Variants in EBF3 observed in about 807,000 individuals in gnomAD.
EBF3 encodes the protein EBF transcription factor 3.
Under a neutral mutation model 77.1 loss-of-function variants are expected in EBF3, and 18 were observed. The observed-to-expected ratio is 0.23, with a 90% CI of 0.16 to 0.35. EBF3 has a LOEUF of 0.35. Ranked by LOEUF, EBF3 falls within the 10% of genes least tolerant of loss-of-function variation. The probability of loss-of-function intolerance (pLI) is 1.00; values close to 1 mark genes in which losing one functional copy is unlikely to be tolerated. For missense variants in EBF3, 558 were observed against 860.0 expected (o/e 0.65, Z 4.39); for synonymous variants, 350 against 343.5 (o/e 1.02, Z -0.21).
chr10:129,841,071 A>G lies in EBF3; in HGVS notation c.1373-39T>C. On this transcript the variant is annotated intron_variant, in intron 13 of 16. Coordinates refer to ENST00000440978, the MANE Select transcript of EBF3 (RefSeq NM_001375380.1). The surrounding 1 kb of genome is among the most constrained non-coding windows in gnomAD (Gnocchi z 4.6). The stretch of plus-strand genomic sequence containing the variant: ...CCCCCCGGCCAAAAATAACATTATT[A>G]TCAGCGACAGACACTTGGGGGGGGT... 1 of 1,597,812 alleles carries G rather than the reference A, an allele frequency of 6.3e-7. No homozygotes were observed. Among genetic ancestry groups the G allele is most frequent in the East Asian group, 2.2e-5 (1 of 44,572 alleles).
chr10:129,863,797 C>G lies in EBF3; in HGVS notation c.1039+3344G>C, dbSNP rs1010317103. ...CCAGGTCAGACAGGTCATGACCCTA[C>G]CTTTCCTCTGCTCCCCAGCCTGTAG... On this transcript the variant is annotated intron_variant, in intron 10 of 16. Coordinates refer to ENST00000440978, the MANE Select transcript of EBF3 (RefSeq NM_001375380.1). The surrounding 1 kb of genome is among the most constrained non-coding windows in gnomAD (Gnocchi z 4.0). 1.3e-5 allele frequency among the ~76,000 whole-genome samples: 2 copies of G among 152,216 alleles called. No homozygotes were observed. Among genetic ancestry groups the G allele is most frequent in the African/African-American group, 4.8e-5 (2 of 41,462 alleles).
chr10:129,880,170 G>A (rs778788657), intron 6 of EBF3, among the ~76,000 whole-genome samples: 2 of 152,128 alleles, frequency 1.3e-5, no homozygotes, highest in Non-Finnish European at 1.5e-5. Context: ...GCATTCTTAG[G>A]CCTTCACTGT....
chr10:129,905,008 A>C (rs1327137725), intron 6 of EBF3, among the ~76,000 whole-genome samples: 1 of 152,270 alleles, frequency 6.6e-6, no homozygotes, highest in East Asian at 1.9e-4. Context: ...TCCATGAGAT[A>C]ACCAGAAAGG....
chr10:129,933,196 G>A (rs1346528541), intron 6 of EBF3, among the ~76,000 whole-genome samples: 2 of 152,198 alleles, frequency 1.3e-5, no homozygotes, highest in Non-Finnish European at 1.5e-5. Flanking sequence ...GAGCACACAC[G>A]CACACACGTG....
chr10:129,878,751 G>A (rs185555709), intron 6 of EBF3, among the ~76,000 whole-genome samples: 4 of 147,402 alleles, frequency 2.7e-5, no homozygotes, highest in African/African-American at 5.0e-5. Flanking sequence ...TTGAACCCAG[G>A]AGGTGGAGGT....
chr10:129,901,744 CA>C (rs1854795826), intron 6 of EBF3, among the ~76,000 whole-genome samples: 1 of 152,194 alleles, frequency 6.6e-6, no homozygotes, highest in African/African-American at 2.4e-5. Flanking sequence ...TCACATGCAC[CA>C]AATATTAAAA....
At chr10:129,875,348 A>ACTG (rs1852698321) in intron 7 of EBF3, among the ~76,000 whole-genome samples, 1 of 151,860 alleles carries the variant, frequency 6.6e-6, no homozygotes, top group South Asian at 2.1e-4. Context: ...AAGCACTGCC[A>ACTG]CTGCACCTGG....
intron 10 of EBF3, among the ~76,000 whole-genome samples, chr10:129,860,221 G>A (rs145667081): frequency 3.3e-5 from 5 of 152,038 alleles, no homozygotes; most frequent in East Asian, 1.9e-4. Context: ...TCAAAAGTCC[G>A]GAGTGTGATC....
At chr10:129,950,572 G>C (rs1858602160) in intron 6 of EBF3, among the ~76,000 whole-genome samples, 1 of 152,094 alleles carries the variant, frequency 6.6e-6, no homozygotes, top group Admixed American at 6.5e-5. Context: ...GTTTTCTCAA[G>C]CTTCTACAAT....
At chr10:129,949,873 A>G (rs1000898423) in intron 6 of EBF3, among the ~76,000 whole-genome samples, 3 of 151,982 alleles carry the variant, frequency 2.0e-5, no homozygotes, top group African/African-American at 4.8e-5. Context: ...ATTCATCATC[A>G]CAAGGGCAAA....
At chr10:129,956,896 T>A (rs1023456795) in intron 6 of EBF3, among the ~76,000 whole-genome samples, 2 of 152,162 alleles carry the variant, frequency 1.3e-5, no homozygotes, top group Non-Finnish European at 2.9e-5. Context: ...TCATCAGAGA[T>A]AAAAATAATG....
chr10:129,928,154 C>T (rs1175548243), intron 6 of EBF3, among the ~76,000 whole-genome samples: 4 of 152,188 alleles, frequency 2.6e-5, no homozygotes, highest in African/African-American at 9.7e-5. Flanking sequence ...ACGACTCAGG[C>T]AGAAACCTGA....
intron 6 of EBF3, among the ~76,000 whole-genome samples, chr10:129,930,050 A>G (rs1057201821): frequency 5.9e-5 from 9 of 152,126 alleles, no homozygotes. Context: ...TGTCTGCCGG[A>G]GCTGGGACTC....
At chr10:129,910,547 C>T (rs1189541659) in intron 6 of EBF3, among the ~76,000 whole-genome samples, 3 of 152,126 alleles carry the variant, frequency 2.0e-5, no homozygotes, top group Admixed American at 2.0e-4. Context: ...TACACCAAAT[C>T]TCCATGAAAA....
At position 129,837,007 on chromosome 10, in the gene EBF3, T is replaced by TACA. The variant is rs1446741657; in HGVS notation, c.*933_*935dup. The TACA allele has an allele frequency of 2.6e-5, 4 of 152,650 alleles. No individual in the cohort carries two copies. Among genetic ancestry groups the TACA allele is most frequent in the African/African-American group, 7.2e-5 (3 of 41,454 alleles). The allele number at this position is 152,650 out of a possible 1,614,324, so 9.5% of individuals were successfully genotyped here. On this transcript the variant is annotated 3_prime_UTR_variant, in exon 17 of 17. Transcript: ENST00000440978. ...CAAGACAAGTGTATAAATATTTAGC[T>TACA]ACAACTTTGGCAAAATCACAAAAGT... is the stretch of plus-strand genomic sequence containing the variant.
rs746796716 is a variant in EBF3 at position 129,952,591 on chromosome 10, G to A, written c.554+4667C>T. On this transcript the variant is annotated intron_variant, in intron 6 of 16. Transcript: ENST00000440978. This position sits in a 1 kb window ranked among gnomAD's most constrained non-coding sequence, Gnocchi z 4.7. ...CTTCAGCAGAGTTGGATTTAATCAC[G>A]CTCGTGCAAAGCCATGAGGGAGGAA... Among the ~76,000 whole-genome samples the A allele has an allele frequency of 3.9e-5, 6 of 152,074 alleles. No homozygotes were observed. Among genetic ancestry groups the A allele is most frequent in the Non-Finnish European group, 5.9e-5 (4 of 68,006 alleles).
At chr10:129,891,893 G>T (rs1589800987) in intron 6 of EBF3, among the ~76,000 whole-genome samples, 2 of 152,322 alleles carry the variant, frequency 1.3e-5, no homozygotes, top group South Asian at 4.1e-4. Context: ...AAAGTGACAG[G>T]AAGAGCTTGG....
chr10:129,961,177 A>G (rs1859488873), intron 4 of EBF3, among the ~76,000 whole-genome samples: 1 of 152,238 alleles, frequency 6.6e-6, no homozygotes, highest in Admixed American at 6.5e-5. Flanking sequence ...TACTTGGCTC[A>G]CAATTCTTAA....
intron 10 of EBF3, among the ~76,000 whole-genome samples, chr10:129,866,785 C>T (rs1272791391): frequency 6.6e-6 from 1 of 152,186 alleles, no homozygotes; most frequent in African/African-American, 2.4e-5. Context: ...GGACACACGG[C>T]CCCTAGCCCC....
Sources: gnomAD v4.1 joint callset for allele counts (sites outside exome capture counted in the v4.1 genomes callset) on GRCh38, gnomAD v4.1.1 for gene constraint, Gnocchi (gnomAD v3.1) non-coding constraint, MANE v1.5 for transcripts, NCBI Gene and HGNC (gene_info 2026-07-23, HGNC 2026-07-21) for gene names.